MCC: variants seen among roughly 807,000 people sequenced by gnomAD.
MCC encodes MCC regulator of Wnt signaling pathway.
MCC carries 90 observed loss-of-function variants against 116.2 expected under a neutral mutation model. The ratio of observed to expected loss-of-function variants is 0.77; its 90% confidence interval spans 0.65 to 0.92. The LOEUF is 0.92. MCC is among the 40% of genes least tolerant of loss of function. The probability of loss-of-function intolerance (pLI) is 0.00; values close to 1 mark genes in which losing one functional copy is unlikely to be tolerated. For synonymous variants in MCC, 578 were observed against 510.5 expected (o/e 1.13, Z -1.78); for missense variants, 1,516 against 1,312.2 (o/e 1.16, Z -2.40).
At position 113,149,511 on chromosome 5, in the gene MCC, A is replaced by C. The variant is rs569159188; in HGVS notation, c.741+1798T>G. Among the ~76,000 whole-genome samples the C allele has an allele frequency of 2.0e-5, 3 of 152,238 alleles. No homozygotes were observed. The South Asian group carries it at 6.2e-4, about 32-fold the overall frequency. On this transcript the variant is annotated intron_variant, in intron 4 of 18. Transcript: ENST00000408903. Reference sequence around the variant, plus strand: ...CTGAGCTACTCATTTATCTTTGGGTAATCAAGTTAATCTTCAGATGCCCGT... The same window carrying C: ...CTGAGCTACTCATTTATCTTTGGGTCATCAAGTTAATCTTCAGATGCCCGT...
chr5:113,141,660 C>T (rs187261471), intron 5 of MCC, among the ~76,000 whole-genome samples: 1 of 152,270 alleles, frequency 6.6e-6, no homozygotes, highest in Non-Finnish European at 1.5e-5. Context: ...ATTTACATAA[C>T]AAAAACTGGC....
intron 3 of MCC, among the ~76,000 whole-genome samples, chr5:113,166,715 AAAAAAAAC>A (rs1760789312): frequency 6.7e-6 from 1 of 148,206 alleles, no homozygotes; most frequent in Admixed American, 6.7e-5. Flanking sequence ...TAAAAAAAAA[AAAAAAAAC>A]AACCAAAAAA....
intron 3 of MCC, among the ~76,000 whole-genome samples, chr5:113,338,056 G>T (rs1023880686): frequency 6.6e-6 from 1 of 152,142 alleles, no homozygotes; most frequent in Non-Finnish European, 1.5e-5. Context: ...GAAGAACTGG[G>T]GCCCAAAATG....
At position 113,049,309 on chromosome 5, in the gene MCC, A is replaced by AGG; in HGVS notation, c.2449-11_2449-10insCC. 6.4e-7 allele frequency: 1 copy of AGG among 1,560,676 alleles called. No individual in the cohort carries two copies. The highest frequency in any genetic ancestry group is 8.7e-7 in the Non-Finnish European group (1 of 1,151,090). On this transcript the variant is annotated splice_polypyrimidine_tract_variant and intron_variant, in intron 15 of 18. Coordinates refer to ENST00000408903, the MANE Select transcript of MCC (RefSeq NM_001085377.2). ...ACTCGGCCATCTCCTCCTACAGACAAAGGAGCACAGAGCACATGAGGCATG... is the reference window on the plus strand; with the variant it reads ...ACTCGGCCATCTCCTCCTACAGACAAGGAGGAGCACAGAGCACATGAGGCATG...
chr5:113,387,114 T>C (rs1233513488), intron 1 of MCC, among the ~76,000 whole-genome samples: 2 of 152,036 alleles, frequency 1.3e-5, no homozygotes, highest in African/African-American at 4.8e-5. Flanking sequence ...GAGAAAAACA[T>C]ACCATGGTAG....
intron 3 of MCC, among the ~76,000 whole-genome samples, chr5:113,264,754 T>C (rs569567799): frequency 2.0e-5 from 3 of 152,306 alleles, no homozygotes; most frequent in Non-Finnish European, 4.4e-5. Context: ...TAAATAAAGT[T>C]GCACTGGGCC....
intron 6 of MCC, among the ~76,000 whole-genome samples, chr5:113,115,242 A>AC (rs1227762750): frequency 6.6e-6 from 1 of 152,060 alleles, no homozygotes; most frequent in Non-Finnish European, 1.5e-5. Context: ...TAAGCGAGGC[A>AC]CCCCTGTCAC....
At chr5:113,101,656 A>C (rs1756417622) in intron 8 of MCC, 83 bp downstream of exon 8, 2 of 1,394,680 alleles carry the variant, frequency 1.4e-6, no homozygotes, top group East Asian at 4.6e-5. Context: ...CAAAATTCTC[A>C]CGGTGCCCCT....
At chr5:113,149,613 A>G (rs1439857689) in intron 4 of MCC, among the ~76,000 whole-genome samples, 2 of 152,108 alleles carry the variant, frequency 1.3e-5, no homozygotes, top group African/African-American at 2.4e-5. Context: ...ATGAGACATG[A>G]AAGTTTCCAA....
At chr5:113,454,557 T>C (rs1240953763) in intron 1 of MCC, among the ~76,000 whole-genome samples, 1 of 152,240 alleles carries the variant, frequency 6.6e-6, no homozygotes, top group African/African-American at 2.4e-5. Flanking sequence ...TAATTTTTAA[T>C]ATCTTAACAA....
At chr5:113,047,578 G>A (rs6894219) in intron 16 of MCC, among the ~76,000 whole-genome samples, 68,847 of 151,980 alleles carry the variant, frequency 0.45, 16,557 homozygotes, top group East Asian at 0.63. Context: ...TGGCTCTCCT[G>A]GAGACGATCC....
chr5:113,337,341 C>T (rs1767894421), intron 3 of MCC, among the ~76,000 whole-genome samples: 1 of 152,180 alleles, frequency 6.6e-6, no homozygotes, highest in South Asian at 2.1e-4. Context: ...GGGTGGTATA[C>T]CAGGAGGCTG....
chr5:113,165,923 T>A (rs1364304498), intron 3 of MCC, among the ~76,000 whole-genome samples: 1 of 144,638 alleles, frequency 6.9e-6, no homozygotes, highest in Non-Finnish European at 1.5e-5. Flanking sequence ...CCCCAAAACA[T>A]ACATTCATTT....
At chr5:113,058,356 C>CA (rs1459821435) in intron 14 of MCC, among the ~76,000 whole-genome samples, 2 of 152,326 alleles carry the variant, frequency 1.3e-5, no homozygotes, top group East Asian at 3.9e-4. Context: ...GGGCTGGCCG[C>CA]ATCAGCAGCA....
At chr5:113,304,881 G>A (rs1340530556) in intron 3 of MCC, among the ~76,000 whole-genome samples, 1 of 152,032 alleles carries the variant, frequency 6.6e-6, no homozygotes, top group Admixed American at 6.6e-5. Flanking sequence ...GTAAAATTTG[G>A]AGAACATGCT....
intron 3 of MCC, among the ~76,000 whole-genome samples, chr5:113,220,173 G>T (rs866029): frequency 0.26 from 11,355 of 44,034 alleles, 5,093 homozygotes; most frequent in Middle Eastern, 0.88. Context: ...TTTTCCTGCC[G>T]CAGCCTCCTC....
Position 113,396,814 on chromosome 5 carries a change from GTAAA to G in MCC, c.171-11606_171-11603del, listed in dbSNP as rs149171503. 6.9e-3 allele frequency among the ~76,000 whole-genome samples: 1,052 copies of G among 152,222 alleles called. 13 individuals are homozygous for G. The highest frequency in any genetic ancestry group is 0.023 in the African/African-American group (958 of 41,538). On this transcript the variant is annotated intron_variant, in intron 1 of 18. Coordinates refer to ENST00000408903, the MANE Select transcript of MCC (RefSeq NM_001085377.2). ...ATACCTGGCATATAATAGGTACTTG[GTAAA>G]TAAATAATAAATGAATAGCAATTTC...
At chr5:113,464,907 A>C (rs982113884) in intron 1 of MCC, among the ~76,000 whole-genome samples, 3 of 152,164 alleles carry the variant, frequency 2.0e-5, no homozygotes, top group Non-Finnish European at 4.4e-5. Flanking sequence ...TATTAGGAAA[A>C]CTTCACTGAC....
chr5:113,279,499 AG>A (rs1765953819), intron 3 of MCC, among the ~76,000 whole-genome samples: 2 of 152,230 alleles, frequency 1.3e-5, no homozygotes, highest in African/African-American at 4.8e-5. Context: ...CATTCACCCC[AG>A]AAAAGCAATT....
Sources: gnomAD v4.1 joint callset for allele counts (sites outside exome capture counted in the v4.1 genomes callset) on GRCh38, gnomAD v4.1.1 for gene constraint, MANE v1.5 for transcripts, NCBI Gene and HGNC (gene_info 2026-07-23, HGNC 2026-07-21) for gene names.